The following SLC25A24 variants were observed in gnomAD, a reference collection of about 807,000 sequenced individuals.
SLC25A24 encodes solute carrier family 25 member 24, also known as mitochondrial adenyl nucleotide antiporter SLC25A24.
In SLC25A24, 49 loss-of-function variants were observed where a neutral mutation model predicts 60.7. The observed-to-expected ratio is 0.81, with a 90% confidence interval of 0.64 to 1.02. SLC25A24 has a LOEUF of 1.02. Ranked by LOEUF, SLC25A24 falls within the 50% of genes least tolerant of loss-of-function variation. The pLI is 0.00. For synonymous variants in SLC25A24, 202 were observed against 200.6 expected, an observed-to-expected ratio of 1.01 and a Z score of -0.06; for missense variants, 564 against 586.3, an observed-to-expected ratio of 0.96 and a Z score of 0.39.
rs542375076 is a variant in SLC25A24 at position 108,139,575 on chromosome 1, AC to A, written c.1099-368del. On this transcript the variant is annotated intron_variant, in intron 8 of 9. Coordinates refer to ENST00000565488, the MANE Select transcript of SLC25A24 (RefSeq NM_013386.5). ...TCATTTGAGCCTTACAGAAACTCTTACATAAATCTATTATTCTGATTTTAGA... is the reference window on the plus strand; with the variant it reads ...TCATTTGAGCCTTACAGAAACTCTTAATAAATCTATTATTCTGATTTTAGA... Among the ~76,000 whole-genome samples the A allele has an allele frequency of 6.1e-4, 93 of 152,348 alleles. No homozygotes were observed. The South Asian group carries it at 0.016, about 27-fold the overall frequency.
chr1:108,166,000 A>T (rs990153018), intron 3 of SLC25A24, among the ~76,000 whole-genome samples: 5 of 151,538 alleles, frequency 3.3e-5, no homozygotes, highest in African/African-American at 1.2e-4. Context: ...TGGTGACAAA[A>T]TCTCTCAGCA....
In SLC25A24 at chr1:108,199,857, C is replaced by A. The variant is rs1648604591; in HGVS notation, c.183+99G>T. On this transcript the variant is annotated intron_variant, in intron 1 of 9. Coordinates refer to ENST00000565488, the MANE Select transcript of SLC25A24 (RefSeq NM_013386.5). ...GGGCGCCACAGTTCCTCCTTCCTCT[C>A]CTGGCAACGCCTCAAGCCGCCGCCC... The A allele has an allele frequency of 5.4e-6, 5 of 925,110 alleles. No individual in the cohort carries two copies. In the East Asian group the frequency reaches 1.4e-4, roughly 25 times the overall value. 57.3% of individuals were successfully genotyped at this position (925,110 alleles called of 1,614,324 possible).
At chr1:108,167,606 C>T (rs1475807585) in intron 3 of SLC25A24, among the ~76,000 whole-genome samples, 1 of 152,228 alleles carries the variant, frequency 6.6e-6, no homozygotes, top group Non-Finnish European at 1.5e-5. Context: ...ACTCCCTGAC[C>T]CCTTGCACTT....
chr1:108,185,980 T>A (rs1257141101), intron 1 of SLC25A24, 26 bp from the exon 2 acceptor site: 8 of 1,521,226 alleles, frequency 5.3e-6, no homozygotes, highest in Non-Finnish European at 7.2e-6. Flanking sequence ...AGAGAGAAGT[T>A]ATTGCCAATA....
intron 9 of SLC25A24, 66 bp downstream of exon 9, chr1:108,138,992 G>T: frequency 1.5e-6 from 2 of 1,349,712 alleles, no homozygotes; most frequent in Non-Finnish European, 2.0e-6. Context: ...AGTAGAACTT[G>T]GAGTTCTAAA....
At chr1:108,147,731 C>A (rs1219303333) in intron 7 of SLC25A24, among the ~76,000 whole-genome samples, 1 of 151,840 alleles carries the variant, frequency 6.6e-6, no homozygotes, top group Admixed American at 6.6e-5. Flanking sequence ...GAATGGCAGC[C>A]AGCCTCTAAA....
chr1:108,197,249 A>C (rs1648523779), intron 1 of SLC25A24, among the ~76,000 whole-genome samples: 1 of 152,114 alleles, frequency 6.6e-6, no homozygotes. Context: ...TCTACATTCT[A>C]CTCTTATTTC....
intron 1 of SLC25A24, among the ~76,000 whole-genome samples, chr1:108,191,260 C>T (rs1648335699): frequency 7.2e-6 from 1 of 138,308 alleles, no homozygotes; most frequent in Non-Finnish European, 1.6e-5. Flanking sequence ...GCCTCAGCCT[C>T]CTGGGACTAC....
intron 3 of SLC25A24, among the ~76,000 whole-genome samples, chr1:108,162,763 T>C (rs1356965295): frequency 2.0e-5 from 3 of 151,980 alleles, no homozygotes; most frequent in Admixed American, 6.5e-5. Context: ...ACTCTGATAG[T>C]AGTTTCTTTT....
At chr1:108,145,878 T>C (rs1679576320) in intron 7 of SLC25A24, among the ~76,000 whole-genome samples, 1 of 152,200 alleles carries the variant, frequency 6.6e-6, no homozygotes, top group Non-Finnish European at 1.5e-5. Context: ...TTGTCTTGGC[T>C]ATACAGGCTC....
At chr1:108,192,951 A>C in intron 1 of SLC25A24, 1 of 246,990 alleles carries the variant, frequency 4.0e-6, no homozygotes, top group Non-Finnish European at 6.9e-6. Flanking sequence ...GGAAGAGTCC[A>C]GTCGGGGCAA....
Position 108,134,672 on chromosome 1 carries a change from G to A in SLC25A24, c.*1981C>T, listed in dbSNP as rs1329887603. Reference sequence around the variant, plus strand: ...TTGGAAAGACTACATGGAGCCAGCTGTAAAAAGCATGATTCAAACTGGTGC... The same window carrying A: ...TTGGAAAGACTACATGGAGCCAGCTATAAAAAGCATGATTCAAACTGGTGC... On this transcript the variant is annotated 3_prime_UTR_variant, in exon 10 of 10. Transcript: ENST00000565488. 1.3e-5 allele frequency: 2 copies of A among 152,092 alleles called. No individual in the cohort carries two copies. The highest frequency in any genetic ancestry group is 2.9e-5 in the Non-Finnish European group (2 of 68,000). 9.4% of individuals were successfully genotyped at this position (152,092 alleles called of 1,614,324 possible).
chr1:108,141,402 T>C (rs1679440259), intron 8 of SLC25A24, among the ~76,000 whole-genome samples: 1 of 152,222 alleles, frequency 6.6e-6, no homozygotes, highest in East Asian at 1.9e-4. Flanking sequence ...TTGGTGTACA[T>C]TGATAGAAAT....
At chr1:108,147,916 GGACCA>G (rs1679650909) in intron 7 of SLC25A24, among the ~76,000 whole-genome samples, 1 of 151,478 alleles carries the variant, frequency 6.6e-6, no homozygotes, top group Non-Finnish European at 1.5e-5. Context: ...TCTCTCTGTT[GGACCA>G]CTGACTCTAG....
rs662282 is a variant in SLC25A24, at chr1:108,200,332, A to C, written c.-194T>G. 71,158 of 335,378 alleles carry C rather than the reference A, an allele frequency of 0.21. 8,607 individuals are homozygous for C. Among genetic ancestry groups the C allele is most frequent in the African/African-American group, 0.32 (14,688 of 45,632 alleles). The allele number at this position is 335,378 out of a possible 1,614,324, so 20.8% of individuals were successfully genotyped here. ...GGAGACCCCACCCGAGCCCGCGCGG[A>C]GCGCAGGGTGTGGCCGTCCCGCCGC... On this transcript the variant is annotated 5_prime_UTR_variant, in exon 1 of 10. Transcript: ENST00000565488.
intron 1 of SLC25A24, among the ~76,000 whole-genome samples, chr1:108,195,206 A>G (rs1036381113): frequency 1.3e-5 from 2 of 152,206 alleles, no homozygotes; most frequent in Admixed American, 6.5e-5. Flanking sequence ...GAATACCGAT[A>G]AAGAAAGTGG....
chr1:108,173,484 C>T (rs977125689), intron 3 of SLC25A24, among the ~76,000 whole-genome samples: 2 of 152,178 alleles, frequency 1.3e-5, no homozygotes, highest in Admixed American at 1.3e-4. Flanking sequence ...GTCAATTAAA[C>T]CTCTTTCCTT....
intron 1 of SLC25A24, among the ~76,000 whole-genome samples, chr1:108,197,305 G>A (rs988768258): frequency 6.6e-6 from 1 of 152,022 alleles, no homozygotes; most frequent in Non-Finnish European, 1.5e-5. Context: ...ACAGAAATTT[G>A]TTCTCTTCTA....
chr1:108,167,646 C>T (rs1048799857), intron 3 of SLC25A24, among the ~76,000 whole-genome samples: 17 of 152,342 alleles, frequency 1.1e-4, no homozygotes, highest in African/African-American at 3.1e-4. Context: ...CGCCCTGCTT[C>T]GGCTCGCGCA....
Sources: gnomAD v4.1 joint callset for allele counts (sites outside exome capture counted in the v4.1 genomes callset) on GRCh38, gnomAD v4.1.1 for gene constraint, MANE v1.5 for transcripts, NCBI Gene and HGNC (gene_info 2026-07-23, HGNC 2026-07-21) for gene names.